Variants in TMEM117 observed in about 807,000 individuals in gnomAD.
The protein encoded by TMEM117 is transmembrane protein 117.
A neutral mutation model predicts 52.4 loss-of-function variants in TMEM117; 27 were observed. The ratio of observed to expected loss-of-function variants is 0.51; its 90% CI spans 0.38 to 0.71. The LOEUF is 0.71. TMEM117 is among the 30% of genes least tolerant of loss of function. TMEM117 has a pLI of 0.00. For synonymous variants in TMEM117, 215 were observed against 206.3 expected, an observed-to-expected ratio of 1.04 and a Z score of -0.36; for missense variants, 556 against 630.5, an observed-to-expected ratio of 0.88 and a Z score of 1.26.
intron 5 of TMEM117, among the ~76,000 whole-genome samples, chr12:44,211,923 C>A (rs1211915745): frequency 1.3e-5 from 2 of 152,116 alleles, no homozygotes; most frequent in Non-Finnish European, 2.9e-5. Flanking sequence ...TGTACGTGAA[C>A]AAGTTCAAAC....
At chr12:44,008,909 T>C (rs1157396965) in intron 3 of TMEM117, 1 of 411,038 alleles carries the variant, frequency 2.4e-6, no homozygotes, top group Non-Finnish European at 4.8e-6. Flanking sequence ...TACTCTTTGA[T>C]GTGTCATGTA....
the TMEM117 span, among the ~76,000 whole-genome samples, chr12:43,825,994 C>T: frequency 6.6e-6 from 1 of 152,244 alleles, no homozygotes; most frequent in Non-Finnish European, 1.5e-5. Flanking sequence ...TTCTCATTGT[C>T]TGAATCCAAA....
At chr12:44,006,071 G>A (rs1344510149) in intron 3 of TMEM117, among the ~76,000 whole-genome samples, 4 of 152,100 alleles carry the variant, frequency 2.6e-5, no homozygotes, top group African/African-American at 9.7e-5. Flanking sequence ...GGGTTGTAGC[G>A]GATCAGCTAT....
At chr12:44,162,834 C>T (rs894208231) in intron 4 of TMEM117, among the ~76,000 whole-genome samples, 2 of 152,094 alleles carry the variant, frequency 1.3e-5, no homozygotes, top group Non-Finnish European at 2.9e-5. Flanking sequence ...TGACCTTTCT[C>T]AAAATTAATT....
chr12:44,078,825 C>T (rs564639555), intron 3 of TMEM117, among the ~76,000 whole-genome samples: 253 of 152,002 alleles, frequency 1.7e-3, no homozygotes, highest in African/African-American at 5.5e-3. Context: ...CCATCACCTA[C>T]ATTAGGTATT....
chr12:44,185,647 C>T (rs1949266906), intron 4 of TMEM117, among the ~76,000 whole-genome samples: 1 of 151,880 alleles, frequency 6.6e-6, no homozygotes, highest in Admixed American at 6.6e-5. Context: ...AAAATTATTC[C>T]TAGTTTTCAT....
At chr12:44,085,623 G>A (rs1947554256) in intron 3 of TMEM117, among the ~76,000 whole-genome samples, 1 of 152,188 alleles carries the variant, frequency 6.6e-6, no homozygotes, top group Non-Finnish European at 1.5e-5. Context: ...ATGTTTAGGG[G>A]AAAGCAAAAT....
intron 3 of TMEM117, among the ~76,000 whole-genome samples, chr12:43,976,010 C>T (rs1395033526): frequency 6.6e-6 from 1 of 152,082 alleles, no homozygotes; most frequent in Non-Finnish European, 1.5e-5. Context: ...CTAAAGGAAT[C>T]AGAATTACAA....
chr12:44,316,051 C>A (rs978849578), intron 6 of TMEM117, among the ~76,000 whole-genome samples: 1 of 152,106 alleles, frequency 6.6e-6, no homozygotes, highest in Non-Finnish European at 1.5e-5. Flanking sequence ...CTTAGTGAAG[C>A]ATTTAGACTA....
At chr12:43,877,524 A>G (rs1943819604) in intron 2 of TMEM117, among the ~76,000 whole-genome samples, 1 of 151,756 alleles carries the variant, frequency 6.6e-6, no homozygotes, top group Non-Finnish European at 1.5e-5. Context: ...CATCCTAGCT[A>G]CTTGGGAGGC....
At chr12:44,092,619 A>T (rs1449708337) in intron 3 of TMEM117, among the ~76,000 whole-genome samples, 1 of 152,188 alleles carries the variant, frequency 6.6e-6, no homozygotes, top group African/African-American at 2.4e-5. Context: ...GTTGAAGCTA[A>T]CTCATGGGAA....
the TMEM117 span, among the ~76,000 whole-genome samples, chr12:43,828,579 T>C: frequency 6.6e-6 from 1 of 152,232 alleles, no homozygotes; most frequent in Non-Finnish European, 1.5e-5. Flanking sequence ...TTATAACCCT[T>C]GTCATGAAAC....
At chr12:43,813,157 A>T in the TMEM117 span, among the ~76,000 whole-genome samples, 10 of 148,876 alleles carry the variant, frequency 6.7e-5, no homozygotes, top group Non-Finnish European at 1.3e-4. Context: ...TTGCCTTCAT[A>T]GTCATACTCC....
chr12:43,943,441 G>A (rs1032361626), intron 2 of TMEM117, among the ~76,000 whole-genome samples: 2 of 151,932 alleles, frequency 1.3e-5, no homozygotes, highest in Non-Finnish European at 2.9e-5. Context: ...TTCTCTGATC[G>A]AATTCTGATA....
chr12:44,355,775 A>G (rs1216339428), intron 6 of TMEM117, among the ~76,000 whole-genome samples: 1 of 152,072 alleles, frequency 6.6e-6, no homozygotes, highest in Non-Finnish European at 1.5e-5. Context: ...CAGAATAAGC[A>G]GGGGTACATA....
chr12:43,982,740 T>C (rs1421057090), intron 3 of TMEM117, among the ~76,000 whole-genome samples: 2 of 152,212 alleles, frequency 1.3e-5, no homozygotes, highest in Non-Finnish European at 2.9e-5. Context: ...GTGAATAGAA[T>C]GACTCTTCTT....
chr12:44,016,734 G>C (rs534570614), intron 3 of TMEM117, among the ~76,000 whole-genome samples: 14 of 152,288 alleles, frequency 9.2e-5, no homozygotes, highest in African/African-American at 3.4e-4. Context: ...ATGGTGAACA[G>C]AGTGCCTGAA....
chr12:43,818,149 C>T, the TMEM117 span, among the ~76,000 whole-genome samples: 2 of 152,134 alleles, frequency 1.3e-5, no homozygotes, highest in African/African-American at 4.8e-5. Context: ...TTCCCCTCTC[C>T]ATGCACGTTA....
At chr12:43,819,601 C>T in the TMEM117 span, among the ~76,000 whole-genome samples, 1 of 152,038 alleles carries the variant, frequency 6.6e-6, no homozygotes, top group Non-Finnish European at 1.5e-5. Flanking sequence ...GGTGAAACCT[C>T]GTCTCTACTA....
Sources: gnomAD v4.1 joint callset for allele counts (sites outside exome capture counted in the v4.1 genomes callset) on GRCh38, gnomAD v4.1.1 for gene constraint, MANE v1.5 for transcripts, NCBI Gene and HGNC (gene_info 2026-07-23, HGNC 2026-07-21) for gene names.